PDE6C: variants seen among roughly 807,000 people sequenced by gnomAD.
PDE6C encodes the protein phosphodiesterase 6C.
Under a neutral mutation model 113.1 loss-of-function variants are expected in PDE6C, and 75 were observed. The observed-to-expected ratio is 0.66, with a 90% CI of 0.55 to 0.80. The LOEUF is 0.80. PDE6C is among the 30% of genes least tolerant of loss of function. The probability of loss-of-function intolerance (pLI) is 0.00; values close to 1 mark genes in which losing one functional copy is unlikely to be tolerated. For synonymous variants in PDE6C, 375 were observed against 363.7 expected (o/e 1.03, Z -0.35); for missense variants, 912 against 1,038.6 (o/e 0.88, Z 1.67).
intron 15 of PDE6C, among the ~76,000 whole-genome samples, chr10:93,653,888 T>G (rs141948887): frequency 3.2e-4 from 48 of 152,296 alleles, no homozygotes; most frequent in Non-Finnish European, 5.4e-4. Flanking sequence ...TAGAAAATGT[T>G]ATAAAAAGAT....
At chr10:93,641,107 C>A in intron 14 of PDE6C, 78 bp downstream of exon 14, 2 of 874,612 alleles carry the variant, frequency 2.3e-6, no homozygotes, top group Non-Finnish European at 3.9e-6. Context: ...ACGCTTCTCC[C>A]TATTCCTTGG....
At chr10:93,622,993 A>G (rs776545059) in intron 4 of PDE6C, among the ~76,000 whole-genome samples, 3 of 152,196 alleles carry the variant, frequency 2.0e-5, no homozygotes, top group Non-Finnish European at 2.9e-5. Context: ...AATACCGAAT[A>G]GGGCAATTGC....
At chr10:93,663,383 A>G (rs571410107) in intron 21 of PDE6C, among the ~76,000 whole-genome samples, 4 of 152,264 alleles carry the variant, frequency 2.6e-5, no homozygotes, top group South Asian at 4.1e-4. Context: ...TCCAGATCGA[A>G]TTGACCGGTC....
intron 4 of PDE6C, 117 bp from the exon 5 acceptor site, chr10:93,625,458 C>T (rs1441715161): frequency 2.6e-6 from 2 of 764,250 alleles, no homozygotes; most frequent in Admixed American, 2.0e-5. Context: ...TCTTTCAGCA[C>T]TAAAATTCCA....
intron 15 of PDE6C, among the ~76,000 whole-genome samples, chr10:93,653,424 C>G (rs1344967116): frequency 6.6e-6 from 1 of 152,130 alleles, no homozygotes; most frequent in Admixed American, 6.5e-5. Context: ...GGGCGGATCC[C>G]TTGAGGTCAG....
At position 93,663,127 on chromosome 10, in the gene PDE6C, A is replaced by G; in HGVS notation, c.2467A>G (p.Met823Val). The G allele has an allele frequency of 6.2e-7, 1 of 1,613,782 alleles. No homozygotes were observed. The highest frequency in any genetic ancestry group is 8.5e-7 in the Non-Finnish European group (1 of 1,179,828). ...ACTAGCTGATGAGTATGATGCAAAG[A>G]TGAAGGTCATTGAAGAGGAGGCAAA... ...KSLADEYDAK[M>V]KVIEEEAKKQ... The change falls in exon 21 of 22, where the codon ATG (methionine) becomes GTG (valine). Residue 823 changes from methionine (M) to valine (V), a missense_variant. By Grantham distance (21) the Met-to-Val change is conservative. Coordinates refer to ENST00000371447, the MANE Select transcript of PDE6C (RefSeq NM_006204.4).
chr10:93,658,785 C>T, intron 16 of PDE6C, 116 bp from the exon 17 acceptor site: 1 of 708,818 alleles, frequency 1.4e-6, no homozygotes, highest in Non-Finnish European at 2.5e-6. Context: ...GTAGACTTTG[C>T]TATGTGGACA....
chr10:93,664,428 A>G (rs551199460), intron 21 of PDE6C, among the ~76,000 whole-genome samples: 1 of 152,340 alleles, frequency 6.6e-6, no homozygotes, highest in Non-Finnish European at 1.5e-5. Context: ...TGCGAAGTAC[A>G]TATGAAGCTG....
intron 19 of PDE6C, 78 bp downstream of exon 19, chr10:93,662,211 T>C (rs2058668795): frequency 2.2e-6 from 2 of 900,302 alleles, no homozygotes; most frequent in East Asian, 4.9e-5. Flanking sequence ...ACACCTGTAA[T>C]CCCAGCACTT....
chr10:93,659,424 G>C (rs921964398), intron 18 of PDE6C, among the ~76,000 whole-genome samples: 2 of 152,156 alleles, frequency 1.3e-5, no homozygotes, highest in African/African-American at 4.8e-5. Flanking sequence ...AAATGTCTGA[G>C]TTTTTAAATA....
At chr10:93,613,460 T>C (rs1331545444) in intron 1 of PDE6C, among the ~76,000 whole-genome samples, 1 of 152,208 alleles carries the variant, frequency 6.6e-6, no homozygotes, top group Non-Finnish European at 1.5e-5. Context: ...CATGTAAAGT[T>C]TGGCATTTTA....
chr10:93,640,580 C>A (rs761487795), intron 13 of PDE6C, 23 bp downstream of exon 13: 3 of 1,397,852 alleles, frequency 2.1e-6, no homozygotes, highest in Non-Finnish European at 3.1e-6. Flanking sequence ...GGCTGTAAAT[C>A]CTTGTAAACC....
chr10:93,614,720 G>A (rs186696308), intron 1 of PDE6C, among the ~76,000 whole-genome samples: 2 of 152,286 alleles, frequency 1.3e-5, no homozygotes, highest in East Asian at 3.9e-4. Context: ...GTGGTGAGAA[G>A]GAAATAAGAG....
intron 14 of PDE6C, among the ~76,000 whole-genome samples, 187 bp from the exon 15 acceptor site, chr10:93,645,773 T>A (rs529626688): frequency 6.6e-6 from 1 of 152,200 alleles, no homozygotes; most frequent in East Asian, 1.9e-4. Flanking sequence ...TTAAGGTTTT[T>A]TTTTTCCAAA....
Position 93,613,097 on chromosome 10 carries a change from G to A in PDE6C, c.372G>A (p.Glu124=), listed in dbSNP as rs147367341. 6.2e-7 allele frequency: 1 copy of A among 1,614,202 alleles called. No homozygotes were observed. Among genetic ancestry groups the A allele is most frequent in the African/African-American group, 1.3e-5 (1 of 75,060 alleles). The change falls in exon 1 of 22, where the codon GAG becomes GAA. Residue 124 remains glutamate, a synonymous_variant. Coordinates refer to ENST00000371447, the MANE Select transcript of PDE6C (RefSeq NM_006204.4). ...ATGTCACCCCCACCTCCAAGTTTGA[G>A]GACAACCTGGTGGGCCCTGACAAAG... The part of the protein sequence containing the change: ...LLDVTPTSKF[E]DNLVGPDKEV...
At chr10:93,652,510 GA>G (rs1311706895) in intron 15 of PDE6C, among the ~76,000 whole-genome samples, 2 of 152,190 alleles carry the variant, frequency 1.3e-5, no homozygotes, top group Non-Finnish European at 2.9e-5. Flanking sequence ...ATATGCAAAA[GA>G]AGCAGTACTG....
intron 1 of PDE6C, 84 bp from the exon 2 acceptor site, chr10:93,620,548 A>G: frequency 7.3e-7 from 1 of 1,379,052 alleles, no homozygotes; most frequent in South Asian, 1.2e-5. Flanking sequence ...CATTTAAATG[A>G]GAGAGAATGA....
Position 93,662,640 on chromosome 10 carries a change from T to C in PDE6C, c.2364T>C (p.Tyr788=). The C allele has an allele frequency of 8.2e-7, 1 of 1,221,676 alleles. No homozygotes were observed. The highest frequency in any genetic ancestry group is 2.3e-5 in the East Asian group (1 of 43,020). The allele number at this position is 1,221,676 out of a possible 1,614,324, so 75.7% of individuals were successfully genotyped here. The part of the protein sequence containing the change: ...GFIDFVCTFV[Y]KEFSRFHKEI... ...TTGATTTTGTTTGTACTTTTGTATA[T>C]AAGGTAAGTAAGCAAATTATTTGAA... Residue 788 remains tyrosine, a synonymous_variant, in exon 20 of 22, where the codon TAT becomes TAC. Coordinates refer to ENST00000371447, the MANE Select transcript of PDE6C (RefSeq NM_006204.4).
intron 19 of PDE6C, 147 bp downstream of exon 19, chr10:93,662,280 T>C (rs1245731779): frequency 8.5e-6 from 6 of 702,624 alleles, no homozygotes; most frequent in African/African-American, 5.3e-5. Flanking sequence ...CTGACCAACA[T>C]GGTGTAACCC....
Sources: gnomAD v4.1 joint callset for allele counts (sites outside exome capture counted in the v4.1 genomes callset) on GRCh38, gnomAD v4.1.1 for gene constraint, MANE v1.5 for transcripts, NCBI Gene and HGNC (gene_info 2026-07-23, HGNC 2026-07-21) for gene names.